ZNF664: variants seen among roughly 807,000 people sequenced by gnomAD.
The protein encoded by ZNF664 is zinc finger protein 664.
Under a neutral mutation model 18.2 loss-of-function variants are expected in ZNF664, and 10 were observed. The observed-to-expected ratio is 0.55, with a 90% CI of 0.34 to 0.93. The LOEUF (loss-of-function observed/expected upper bound fraction) is 0.93, where lower values mean the gene tolerates loss of function less well. ZNF664 is among the 40% of genes least tolerant of loss of function. The probability of loss-of-function intolerance (pLI) is 0.02; values close to 1 mark genes in which losing one functional copy is unlikely to be tolerated. For missense variants in ZNF664, 193 were observed against 319.0 expected, an observed-to-expected ratio of 0.61 and a Z score of 3.01; for synonymous variants, 119 against 104.2, an observed-to-expected ratio of 1.14 and a Z score of -0.86.
In ZNF664 at chr12:123,977,462, C is replaced by CAAAAAA. The variant is rs58043898; in HGVS notation, c.-757+3455_-757+3460dup. On this transcript the variant is annotated intron_variant, in intron 2 of 4. Coordinates refer to ENST00000337815, the MANE Select transcript of ZNF664 (RefSeq NM_152437.3). ...ATAACCTACTAGAACCTAAAATGGC[C>CAAAAAA]AAAAAAAAAAAAAAAAAACCCTAAA... is the stretch of plus-strand genomic sequence containing the variant. Among the ~76,000 whole-genome samples, 103 of 94,076 alleles carry CAAAAAA rather than the reference C, an allele frequency of 1.1e-3. 2 individuals carry two copies. Among genetic ancestry groups the CAAAAAA allele is most frequent in the African/African-American group, 1.8e-3 (50 of 27,032 alleles). 61.7% of individuals were successfully genotyped at this position (94,076 alleles called of 152,430 possible).
chr12:123,988,585 T>A (rs1956851658), intron 3 of ZNF664, among the ~76,000 whole-genome samples: 1 of 151,478 alleles, frequency 6.6e-6, no homozygotes, highest in South Asian at 2.1e-4. Context: ...TTTCTGGTGT[T>A]TTTTTTTTCC....
chr12:123,997,793 C>T (rs1956967388), intron 3 of ZNF664: 1 of 152,228 alleles, frequency 6.6e-6, no homozygotes, highest in Admixed American at 6.5e-5. Flanking sequence ...AGAGCTCCAG[C>T]TAATCCAGAT....
At chr12:123,973,814 G>A in intron 1 of ZNF664, 72 bp from the exon 2 acceptor site, 2 of 1,186,886 alleles carry the variant, frequency 1.7e-6, no homozygotes, top group Non-Finnish European at 2.1e-6. Flanking sequence ...GGCGGTCATG[G>A]CCGCGCCAGG....
chr12:123,973,956 C>T lies in ZNF664; in HGVS notation c.-821C>T. The T allele has an allele frequency of 8.1e-7, 1 of 1,231,942 alleles. No homozygotes were observed. Among genetic ancestry groups the T allele is most frequent in the Non-Finnish European group, 1.0e-6 (1 of 988,112 alleles). 76.3% of individuals were successfully genotyped at this position (1,231,942 alleles called of 1,614,324 possible). ...TGAGGAACCCCTCGCGCACCCAGCG[C>T]AGAAGGCTGCTGCCGCCGGACGCCT... is the stretch of plus-strand genomic sequence containing the variant. On this transcript the variant is annotated 5_prime_UTR_variant, in exon 2 of 5. Coordinates refer to ENST00000337815, the MANE Select transcript of ZNF664 (RefSeq NM_152437.3).
chr12:123,983,702 G>A (rs1956792773), intron 2 of ZNF664, among the ~76,000 whole-genome samples: 1 of 152,190 alleles, frequency 6.6e-6, no homozygotes, highest in African/African-American at 2.4e-5. Context: ...ATCACTTTTG[G>A]ATGTGTAGTT....
intron 3 of ZNF664, among the ~76,000 whole-genome samples, chr12:123,993,600 A>G (rs377215359): frequency 6.6e-6 from 1 of 152,212 alleles, no homozygotes; most frequent in Non-Finnish European, 1.5e-5. Context: ...CTGTGTTCCC[A>G]TATACCTGAG....
At chr12:123,985,379 A>G (rs1207439620) in intron 2 of ZNF664, among the ~76,000 whole-genome samples, 1 of 152,248 alleles carries the variant, frequency 6.6e-6, no homozygotes, top group Admixed American at 6.5e-5. Flanking sequence ...AGGTCTATTC[A>G]TGACATTTGA....
At position 124,000,657 on chromosome 12, in the gene ZNF664, A is replaced by G. The variant is rs964273462; in HGVS notation, c.-660-10724A>G. ...ACGATCCCTAGAAATTCCCTCGTGCATCTTTCTAGTCATTAGCCCCTCTGT... is the reference window on the plus strand; with the variant it reads ...ACGATCCCTAGAAATTCCCTCGTGCGTCTTTCTAGTCATTAGCCCCTCTGT... On this transcript the variant is annotated intron_variant, in intron 3 of 4. Coordinates refer to ENST00000337815, the MANE Select transcript of ZNF664 (RefSeq NM_152437.3). 2.2e-4 allele frequency among the ~76,000 whole-genome samples: 33 copies of G among 152,312 alleles called. 1 individual carries two copies. Among genetic ancestry groups the G allele is most frequent in the Admixed American group, 2.1e-3 (32 of 15,308 alleles).
Position 123,977,202 on chromosome 12 carries a change from C to T in ZNF664, c.-757+3182C>T, listed in dbSNP as rs751938221. ...ATAAATGTTAAACTAGTTGTCTATA[C>T]TTAAAAGTATCAGAGAGTCAAATTA... On this transcript the variant is annotated intron_variant, in intron 2 of 4. Coordinates refer to ENST00000337815, the MANE Select transcript of ZNF664 (RefSeq NM_152437.3). Among the ~76,000 whole-genome samples the T allele has an allele frequency of 5.3e-5, 8 of 152,078 alleles. No homozygotes were observed. In the East Asian group the frequency reaches 9.6e-4, roughly 18 times the overall value.
intron 3 of ZNF664, among the ~76,000 whole-genome samples, chr12:124,000,727 A>T (rs143865107): frequency 5.3e-5 from 8 of 152,132 alleles, no homozygotes; most frequent in African/African-American, 1.9e-4. Flanking sequence ...TTGTTTTTCA[A>T]CTTTATGTAA....
chr12:124,008,908 A>AC (rs1486308900), intron 3 of ZNF664, among the ~76,000 whole-genome samples: 2 of 144,380 alleles, frequency 1.4e-5, no homozygotes, highest in Non-Finnish European at 3.1e-5. Context: ...TCCTCCAAGG[A>AC]CCCCTTGCCT....
intron 3 of ZNF664, among the ~76,000 whole-genome samples, chr12:124,007,119 C>T (rs934387749): frequency 6.6e-6 from 1 of 152,090 alleles, no homozygotes. Context: ...GAAAATTTGC[C>T]GGAGTTTCTT....
chr12:123,974,752 C>CT (rs996555574), intron 2 of ZNF664, among the ~76,000 whole-genome samples: 1 of 152,204 alleles, frequency 6.6e-6, no homozygotes, highest in Admixed American at 6.5e-5. Context: ...TGCACCGTAA[C>CT]TTTCAATGTT....
intron 3 of ZNF664, chr12:124,006,242 ATGC>A (rs1957072157): frequency 6.6e-6 from 1 of 152,208 alleles, no homozygotes; most frequent in Non-Finnish European, 1.5e-5. Flanking sequence ...CATTCCTCTG[ATGC>A]TCTGGTCATC....
At chr12:123,993,021 C>G (rs930113372) in intron 3 of ZNF664, among the ~76,000 whole-genome samples, 3 of 152,176 alleles carry the variant, frequency 2.0e-5, no homozygotes, top group African/African-American at 7.2e-5. Flanking sequence ...GAAAAAAGGC[C>G]TGGCAGTTGG....
intron 3 of ZNF664, among the ~76,000 whole-genome samples, chr12:123,991,169 A>T (rs889051786): frequency 6.6e-6 from 1 of 152,220 alleles, no homozygotes; most frequent in Admixed American, 6.5e-5. Context: ...AGATAAACTT[A>T]GGCCTTGTAT....
At chr12:124,006,660 G>C (rs1472115929) in intron 3 of ZNF664, among the ~76,000 whole-genome samples, 3 of 152,234 alleles carry the variant, frequency 2.0e-5, no homozygotes, top group Admixed American at 6.5e-5. Flanking sequence ...GTGAGGATTT[G>C]AGGTAGATGG....
intron 2 of ZNF664, among the ~76,000 whole-genome samples, chr12:123,975,464 G>T (rs760793839): frequency 6.7e-6 from 1 of 148,868 alleles, no homozygotes; most frequent in African/African-American, 2.5e-5. Context: ...TCTTTCTGTT[G>T]CCGTGGCTGG....
chr12:124,011,950 C>G lies in ZNF664; in HGVS notation c.-195C>G. On this transcript the variant is annotated 5_prime_UTR_variant, in exon 5 of 5. Transcript: ENST00000337815. ...ATCGATAATAATACTGAGTGAGGAA[C>G]ACTATGCAGGAAGAAACCTTCCGTA... 7.1e-7 allele frequency: 1 copy of G among 1,413,730 alleles called. No individual in the cohort carries two copies. Among genetic ancestry groups the G allele is most frequent in the Non-Finnish European group, 9.2e-7 (1 of 1,092,200 alleles). 87.6% of individuals were successfully genotyped at this position (1,413,730 alleles called of 1,614,324 possible). A position where few individuals can be genotyped will look rare whatever the true frequency, so the allele number is the denominator to read the frequency against.
Sources: allele counts gnomAD v4.1 joint callset (sites outside exome capture counted in the v4.1 genomes callset), GRCh38; gene constraint gnomAD v4.1.1; transcripts MANE v1.5; gene names NCBI Gene and HGNC (gene_info 2026-07-23, HGNC 2026-07-21).